Variants in IL15 observed in about 807,000 individuals in gnomAD.
The protein encoded by IL15 is interleukin 15.
Under a neutral mutation model 19.6 loss-of-function variants are expected in IL15, and 11 were observed. The observed-to-expected ratio is 0.56, with a 90% confidence interval of 0.35 to 0.93. IL15 has a LOEUF of 0.93. Among genes scored for constraint, IL15 ranks in the 40% least tolerant of loss-of-function variants. IL15 has a pLI of 0.01. For missense variants in IL15, 197 were observed against 186.5 expected, an observed-to-expected ratio of 1.06 and a Z score of -0.33; for synonymous variants, 58 against 59.6, an observed-to-expected ratio of 0.97 and a Z score of 0.12.
chr4:141,639,670 A>G (rs1726979887), intron 1 of IL15, among the ~76,000 whole-genome samples: 1 of 152,296 alleles, frequency 6.6e-6, no homozygotes, highest in South Asian at 2.1e-4. Context: ...ACTATTTGGG[A>G]CATCCTCTCT....
chr4:141,698,268 T>C (rs1396014825), intron 2 of IL15, among the ~76,000 whole-genome samples: 7 of 152,154 alleles, frequency 4.6e-5, no homozygotes, highest in Non-Finnish European at 7.4e-5. Context: ...TTTGTATCTA[T>C]GTTTAACAGG....
At chr4:141,665,749 C>T (rs917421163) in intron 2 of IL15, among the ~76,000 whole-genome samples, 3 of 151,928 alleles carry the variant, frequency 2.0e-5, no homozygotes, top group Admixed American at 6.6e-5. Flanking sequence ...TTGTTGCTAA[C>T]GTGGATTAGG....
chr4:141,720,551 A>G lies in IL15; in HGVS notation c.95A>G (p.His32Arg). Residue 32 changes from histidine (H) to arginine (R), a missense_variant, in exon 4 of 8, where the codon CAT (histidine) becomes CGT (arginine). Physicochemically the swap from His to Arg is conservative, Grantham distance 29. Coordinates refer to ENST00000320650, the MANE Select transcript of IL15 (RefSeq NM_000585.5). The stretch of plus-strand genomic sequence containing the variant: ...CATTTTCTAACTGAAGCTGGCATTC[A>G]TGTCTTCATTTTGGGGTAATTTTAT... The part of the protein sequence containing the change: ...NSHFLTEAGI[H>R]VFILGCFSAG... The G allele has an allele frequency of 1.9e-6, 3 of 1,552,930 alleles. No individual in the cohort carries two copies. The highest frequency in any genetic ancestry group is 2.7e-6 in the Non-Finnish European group (3 of 1,124,588).
At chr4:141,661,184 G>C (rs2152161896) in intron 2 of IL15, among the ~76,000 whole-genome samples, 1 of 152,248 alleles carries the variant, frequency 6.6e-6, no homozygotes, top group South Asian at 2.1e-4. Flanking sequence ...GAAATTAGCA[G>C]AATTTGTGCA....
intron 2 of IL15, among the ~76,000 whole-genome samples, chr4:141,669,900 C>A (rs574012261): frequency 5.3e-5 from 8 of 151,438 alleles, no homozygotes; most frequent in African/African-American, 1.9e-4. Flanking sequence ...GTCTAGAAAT[C>A]TAGATTAATG....
chr4:141,732,627 A>T, intron 7 of IL15, 111 bp from the exon 8 acceptor site: 1 of 1,389,418 alleles, frequency 7.2e-7, no homozygotes, highest in Non-Finnish European at 9.7e-7. Context: ...TAAAGCTTTC[A>T]TATCTCAAGA....
At chr4:141,729,403 T>A (rs1579058860) in intron 6 of IL15, among the ~76,000 whole-genome samples, 1 of 152,128 alleles carries the variant, frequency 6.6e-6, no homozygotes, top group East Asian at 1.9e-4. Context: ...ATTACTTCTC[T>A]CCCTCTGGAA....
intron 6 of IL15, 25 bp downstream of exon 6, chr4:141,728,009 G>A (rs773274298): frequency 8.9e-7 from 1 of 1,125,592 alleles, no homozygotes; most frequent in South Asian, 1.4e-5. Context: ...TTTCAAAATT[G>A]CTATTTGTCT....
intron 1 of IL15, among the ~76,000 whole-genome samples, chr4:141,648,320 G>C (rs1041134182): frequency 6.6e-6 from 1 of 151,970 alleles, no homozygotes; most frequent in African/African-American, 2.4e-5. Context: ...TTAATATTTT[G>C]TGCCAGTTTT....
At chr4:141,701,222 C>T (rs76477150) in intron 2 of IL15, among the ~76,000 whole-genome samples, 3,932 of 150,724 alleles carry the variant, frequency 0.026, 174 homozygotes, top group African/African-American at 0.09. Flanking sequence ...TTTCCTAGTT[C>T]CTTCTCATTT....
chr4:141,640,108 A>G (rs1434524167), intron 1 of IL15, among the ~76,000 whole-genome samples: 4 of 152,328 alleles, frequency 2.6e-5, no homozygotes, highest in East Asian at 3.9e-4. Context: ...ATATATAAAC[A>G]TAAGAAGCTA....
At chr4:141,678,379 C>G (rs965151589) in intron 2 of IL15, among the ~76,000 whole-genome samples, 3 of 151,996 alleles carry the variant, frequency 2.0e-5, no homozygotes, top group Admixed American at 6.6e-5. Flanking sequence ...AATTCGTAGT[C>G]ATATTTTTTT....
intron 1 of IL15, among the ~76,000 whole-genome samples, chr4:141,639,142 C>G (rs1167174418): frequency 6.6e-6 from 1 of 152,068 alleles, no homozygotes. Flanking sequence ...ATATATTTTA[C>G]AGCTGAGGAA....
intron 1 of IL15, among the ~76,000 whole-genome samples, chr4:141,654,962 C>CTT (rs1727541170): frequency 6.6e-6 from 1 of 152,072 alleles, no homozygotes; most frequent in East Asian, 1.9e-4. Flanking sequence ...GCATAACTGG[C>CTT]TTTAAAGCAC....
intron 2 of IL15, among the ~76,000 whole-genome samples, chr4:141,702,495 A>G (rs1011130419): frequency 3.3e-5 from 5 of 152,178 alleles, no homozygotes; most frequent in African/African-American, 9.7e-5. Flanking sequence ...TTGGTTGTCA[A>G]TAGGCTTAGT....
At position 141,732,104 on chromosome 4, in the gene IL15, C is replaced by T. The variant is rs1730470983; in HGVS notation, c.379-634C>T. 2.0e-5 allele frequency among the ~76,000 whole-genome samples: 3 copies of T among 152,174 alleles called. No individual in the cohort carries two copies. The South Asian group carries it at 6.2e-4, about 32-fold the overall frequency. On this transcript the variant is annotated intron_variant, in intron 7 of 7. Coordinates refer to ENST00000320650, the MANE Select transcript of IL15 (RefSeq NM_000585.5). ...AAAACTTCATAATATGAATAGAATA[C>T]ATGACATATTGTGAGAGAGGTCTAA...
chr4:141,685,988 T>G (rs569346843), intron 2 of IL15, among the ~76,000 whole-genome samples: 64 of 152,142 alleles, frequency 4.2e-4, no homozygotes, highest in African/African-American at 1.5e-3. Flanking sequence ...ACCTAGCACA[T>G]CCCCCTAATC....
intron 2 of IL15, chr4:141,718,353 T>C (rs1039729864): frequency 3.3e-5 from 5 of 151,910 alleles, no homozygotes; most frequent in Non-Finnish European, 7.4e-5. Context: ...TTGGATGAAA[T>C]GATGAAGATT....
rs1432901974 is a variant in IL15 at position 141,720,979 on chromosome 4, CTTTA to C, written c.110+418_110+421del. On this transcript the variant is annotated intron_variant, in intron 4 of 7. Transcript: ENST00000320650. ...CTAGTTCAGTTTAAAACATTTCTTT[CTTTA>C]TTTAAGCCTTTTGTTGTTTCCTTCT... 6.8e-6 allele frequency: 4 copies of C among 585,678 alleles called. No individual in the cohort carries two copies. In the African/African-American group the frequency reaches 7.5e-5, roughly 11 times the overall value. The allele number at this position is 585,678 out of a possible 1,614,324, so 36.3% of individuals were successfully genotyped here.
Sources: allele counts gnomAD v4.1 joint callset (sites outside exome capture counted in the v4.1 genomes callset), GRCh38; gene constraint gnomAD v4.1.1; transcripts MANE v1.5; gene names NCBI Gene and HGNC (gene_info 2026-07-23, HGNC 2026-07-21).